The following BOC variants were observed in gnomAD, a reference collection of about 807,000 sequenced individuals.
BOC encodes BOC cell adhesion associated, oncogene regulated.
In BOC, 76 loss-of-function variants were observed where a neutral mutation model predicts 112.0. That is an observed-to-expected ratio of 0.68 (90% CI 0.56 to 0.82). BOC has a LOEUF of 0.82. Ranked by LOEUF, BOC falls within the 40% of genes least tolerant of loss-of-function variation. The pLI is 0.00. For synonymous variants in BOC, 580 were observed against 599.8 expected (o/e 0.97, Z 0.48); for missense variants, 1,309 against 1,511.7 (o/e 0.87, Z 2.22).
intron 4 of BOC, 42 bp from the exon 5 acceptor site, chr3:113,268,257 G>T (rs1173417792): frequency 1.2e-6 from 2 of 1,610,738 alleles, no homozygotes; most frequent in East Asian, 4.5e-5. Flanking sequence ...TCACACTTTT[G>T]CTCTGCTGTC....
chr3:113,260,667 T>TAGAATAGAACAGAACAGAAC (rs1466077581), intron 4 of BOC, among the ~76,000 whole-genome samples: 5 of 126,308 alleles, frequency 4.0e-5, no homozygotes, highest in African/African-American at 1.3e-4. Flanking sequence ...TAGAATAGAA[T>TAGAATAGAACAGAACAGAAC]AGAACAGAAC....
intron 4 of BOC, among the ~76,000 whole-genome samples, chr3:113,266,236 T>C (rs1947468370): frequency 6.6e-6 from 1 of 152,164 alleles, no homozygotes; most frequent in Non-Finnish European, 1.5e-5. Flanking sequence ...TGTGGGTACA[T>C]AGTATGTGTG....
rs374518460 is a variant in BOC at position 113,273,356 on chromosome 3, G to A, written c.1234+15G>A. The A allele has an allele frequency of 5.7e-6, 9 of 1,573,778 alleles. No individual in the cohort carries two copies. The highest frequency in any genetic ancestry group is 2.3e-5 in the East Asian group (1 of 43,858). The stretch of plus-strand genomic sequence containing the variant: ...CTCCAGGCCAAGTGAGTGTAGCCCA[G>A]GGGTCTGAGATTCCAGCTGATGATT... On this transcript the variant is annotated intron_variant, in intron 8 of 19. Transcript: ENST00000682979.
rs374255523 is a variant in BOC, at chr3:113,274,519, C to T, written c.1379C>T (p.Pro460Leu). The change falls in exon 9 of 20, where the codon CCG becomes CTG. Residue 460 changes from proline (P) to leucine (L), a missense_variant. Physicochemically the swap from Pro to Leu is moderately conservative, Grantham distance 98 (BLOSUM62 -3). Transcript: ENST00000682979. This position sits in a 1 kb window ranked among gnomAD's most constrained non-coding sequence, Gnocchi z 4.8. ...CCAACGTCAGTGGGGCCTGCTTCCC[C>T]GCAGTGTCCAGGAGAGAAGGGGCAG... The part of the protein sequence containing the change: ...RPPTSVGPAS[P>L]QCPGEKGQGA... 1.1e-5 allele frequency: 17 copies of T among 1,613,374 alleles called. No individual in the cohort carries two copies. Among genetic ancestry groups the T allele is most frequent in the African/African-American group, 9.3e-5 (7 of 74,934 alleles).
Position 113,274,766 on chromosome 3 carries a change from C to G in BOC, c.1542+84C>G. ...CAGAGTCACTGTCTCTTGGCCATCT[C>G]CCCTTGAGCTCCTGAAGCCTGAGCC... On this transcript the variant is annotated intron_variant, in intron 9 of 19. Transcript: ENST00000682979. The surrounding 1 kb of genome is among the most constrained non-coding windows in gnomAD (Gnocchi z 4.8). 1.4e-6 allele frequency: 2 copies of G among 1,384,618 alleles called. No individual in the cohort carries two copies. The highest frequency in any genetic ancestry group is 1.4e-5 in the African/African-American group (1 of 69,068). 85.8% of individuals were successfully genotyped at this position (1,384,618 alleles called of 1,614,324 possible). A position where few individuals can be genotyped will look rare whatever the true frequency, so the allele number is the denominator to read the frequency against.
intron 2 of BOC, among the ~76,000 whole-genome samples, chr3:113,218,684 G>A (rs1374534118): frequency 3.9e-5 from 6 of 152,238 alleles, no homozygotes; most frequent in Admixed American, 2.0e-4. Flanking sequence ...ATCATCCAAT[G>A]TACAGACTTC....
At chr3:113,231,965 A>G (rs1025668673) in intron 2 of BOC, among the ~76,000 whole-genome samples, 1 of 152,224 alleles carries the variant, frequency 6.6e-6, no homozygotes, top group Non-Finnish European at 1.5e-5. Context: ...TGCCTGCAGC[A>G]TAGTGATGGT....
At chr3:113,260,692 C>CAGAACAGAACAGAACAGAA (rs1553737989) in intron 4 of BOC, among the ~76,000 whole-genome samples, 1 of 115,264 alleles carries the variant, frequency 8.7e-6, no homozygotes, top group South Asian at 2.7e-4. Flanking sequence ...CAGAACAGAA[C>CAGAACAGAACAGAACAGAA]AGAACAGAAC....
intron 9 of BOC, among the ~76,000 whole-genome samples, chr3:113,277,794 G>GAGAA (rs1205322152): frequency 2.0e-5 from 3 of 152,248 alleles, no homozygotes; most frequent in Admixed American, 2.0e-4. Flanking sequence ...AATACAGGGA[G>GAGAA]AGAAGGTCTT....
At chr3:113,280,151 T>C in intron 13 of BOC, 146 bp downstream of exon 13, 1 of 850,236 alleles carries the variant, frequency 1.2e-6, no homozygotes, top group Non-Finnish European at 1.8e-6. Flanking sequence ...CTGGAGCTGC[T>C]CTAGTGGTCT....
chr3:113,283,692 G>A, intron 16 of BOC, 60 bp downstream of exon 16: 1 of 1,503,580 alleles, frequency 6.7e-7, no homozygotes, highest in Non-Finnish European at 9.2e-7. Context: ...CTCCACTAAG[G>A]AGGCCTCTGC....
intron 19 of BOC, among the ~76,000 whole-genome samples, chr3:113,286,267 A>G (rs1349007141): frequency 6.6e-6 from 1 of 152,208 alleles, no homozygotes; most frequent in African/African-American, 2.4e-5. Flanking sequence ...TCGACCCAGC[A>G]TCATTTAAAC....
Position 113,250,781 on chromosome 3 carries a change from C to T in BOC, c.324C>T (p.Ala108=), listed in dbSNP as rs914248267. The T allele has an allele frequency of 4.3e-6, 7 of 1,614,116 alleles. No homozygotes were observed. Among genetic ancestry groups the T allele is most frequent in the Non-Finnish European group, 5.9e-6 (7 of 1,180,024 alleles). The change falls in exon 4 of 20, where the codon GCC becomes GCT. Residue 108 remains alanine (A), a synonymous_variant. Transcript: ENST00000682979. The part of the protein sequence containing the change: ...NHTVGRYQCV[A]RMPAGAVASV... Reference sequence around the variant, plus strand: ...CTGTGGGACGGTACCAGTGTGTGGCCCGGATGCCTGCGGGGGCTGTGGCCA... The same window carrying T: ...CTGTGGGACGGTACCAGTGTGTGGCTCGGATGCCTGCGGGGGCTGTGGCCA...
intron 4 of BOC, among the ~76,000 whole-genome samples, chr3:113,263,576 C>A (rs1020348918): frequency 3.3e-5 from 5 of 152,180 alleles, no homozygotes; most frequent in African/African-American, 1.2e-4. Context: ...ATGGATTACA[C>A]CTGGGGCATT....
At chr3:113,276,811 C>A (rs554843040) in intron 9 of BOC, among the ~76,000 whole-genome samples, 2 of 152,298 alleles carry the variant, frequency 1.3e-5, no homozygotes, top group Admixed American at 1.3e-4. Context: ...TGAGCCCAGA[C>A]CATTCCTGTG....
intron 5 of BOC, chr3:113,269,417 A>G (rs1204194089): frequency 6.6e-6 from 1 of 151,996 alleles, no homozygotes; most frequent in East Asian, 1.9e-4. Context: ...ACCTGACTCC[A>G]CAGCTCAAAA....
At chr3:113,284,948 A>C in intron 18 of BOC, 90 bp downstream of exon 18, 1 of 1,197,094 alleles carries the variant, frequency 8.4e-7, no homozygotes, top group South Asian at 1.3e-5. Flanking sequence ...CTGAGAGCCA[A>C]GCAGTAGTGC....
chr3:113,220,682 G>T lies in BOC; in HGVS notation c.-82+4408G>T, dbSNP rs1297001300. On this transcript the variant is annotated intron_variant, in intron 2 of 19. Coordinates refer to ENST00000682979, the MANE Select transcript of BOC (RefSeq NM_001378074.1). Reference sequence around the variant, plus strand: ...TGTGGTTCTGTTTTTATTTCTCAGGGCAGGAGCCTGGATTAGAGGCATTTT... The same window carrying T: ...TGTGGTTCTGTTTTTATTTCTCAGGTCAGGAGCCTGGATTAGAGGCATTTT... 2.0e-5 allele frequency among the ~76,000 whole-genome samples: 3 copies of T among 152,254 alleles called. No individual in the cohort carries two copies. The South Asian group carries it at 6.2e-4, about 32-fold the overall frequency.
chr3:113,275,375 C>T (rs980803029), intron 9 of BOC, among the ~76,000 whole-genome samples: 2 of 152,204 alleles, frequency 1.3e-5, no homozygotes, highest in African/African-American at 4.8e-5. Context: ...CCCAGCCAGG[C>T]CTATGCTCCT....
Sources: allele counts gnomAD v4.1 joint callset (sites outside exome capture counted in the v4.1 genomes callset), GRCh38; gene constraint gnomAD v4.1.1; non-coding constraint Gnocchi (gnomAD v3.1); transcripts MANE v1.5; gene names NCBI Gene and HGNC (gene_info 2026-07-23, HGNC 2026-07-21).